The following RAD52 variants were observed in gnomAD, a reference collection of about 807,000 sequenced individuals.
RAD52 encodes DNA repair protein RAD52 homolog.
A neutral mutation model predicts 55.5 loss-of-function variants in RAD52; 47 were observed. That is an observed-to-expected ratio of 0.85 (90% CI 0.67 to 1.08). The LOEUF is 1.08. RAD52 is among the 50% of genes least tolerant of loss of function. The pLI is 0.00. For synonymous variants in RAD52, 184 were observed against 198.9 expected (o/e 0.92, Z 0.63); for missense variants, 468 against 522.8 (o/e 0.90, Z 1.02).
At chr12:965,994 T>A (rs1958761589) in intron 1 of RAD52, among the ~76,000 whole-genome samples, 1 of 151,944 alleles carries the variant, frequency 6.6e-6, no homozygotes, top group African/African-American at 2.4e-5. Flanking sequence ...GTTTGTTTTT[T>A]GAGTCAGGAT....
chr12:928,263 G>A (rs1271482134), intron 5 of RAD52, among the ~76,000 whole-genome samples: 1 of 152,208 alleles, frequency 6.6e-6, no homozygotes, highest in South Asian at 2.1e-4. Flanking sequence ...TGTAATCCCA[G>A]CACTTTTGGA....
chr12:933,503 T>A (rs576978026), intron 1 of RAD52, among the ~76,000 whole-genome samples: 44 of 151,792 alleles, frequency 2.9e-4, no homozygotes, highest in African/African-American at 1.1e-3. Context: ...CTAAGAGTTA[T>A]TTATAAGCTT....
In RAD52 at chr12:914,051, C is replaced by G. The variant is rs374156479; in HGVS notation, c.1038G>C (p.Ser346=). The G allele has an allele frequency of 1.2e-6, 2 of 1,614,022 alleles. No individual in the cohort carries two copies. Among genetic ancestry groups the G allele is most frequent in the African/African-American group, 2.7e-5 (2 of 74,902 alleles). ...AGGTCTGGGCTGGGTCTGCTCTAGA[C>G]GAGGGCTTGACCACACCATCCCCTG... ...PDAGDGVVKP[S]SRADPAQTSD... The change falls in exon 11 of 12, where the codon TCG becomes TCC. Residue 346 remains serine (S), a synonymous_variant. Coordinates refer to ENST00000358495, the MANE Select transcript of RAD52 (RefSeq NM_134424.4).
intron 1 of RAD52, among the ~76,000 whole-genome samples, chr12:987,209 T>G (rs1959097545): frequency 6.6e-6 from 1 of 152,002 alleles, no homozygotes; most frequent in Admixed American, 6.6e-5. Flanking sequence ...GACATCGTGA[T>G]CCACCCGCCT....
In RAD52 at chr12:970,719, C is replaced by T. The variant is rs540102520; in HGVS notation, c.-19+19090G>A. Reference sequence around the variant, plus strand: ...GGTTACAAATGGTTGTTCAGAATGGCATTTGGGAGTAAGTAGGCGGTCCAT... The same window carrying T: ...GGTTACAAATGGTTGTTCAGAATGGTATTTGGGAGTAAGTAGGCGGTCCAT... On this transcript the variant is annotated intron_variant, in intron 1 of 11. Coordinates refer to the RAD52 transcript ENST00000430095. Among the ~76,000 whole-genome samples, 122 of 152,192 alleles carry T rather than the reference C, an allele frequency of 8.0e-4. 1 individual carries two copies. The South Asian group carries it at 0.013, about 16-fold the overall frequency.
In RAD52 at chr12:929,888, TA is replaced by T; in HGVS notation, c.281-3del. ...TGCCATTGTTGAGGTCAACAAAATC[TA>T]GGAGTGGGAAAGAGAGCAAGTTGAA... On this transcript the variant is annotated splice_polypyrimidine_tract_variant and splice_region_variant and intron_variant, in intron 4 of 11. Transcript: ENST00000358495. The T allele has an allele frequency of 6.2e-7, 1 of 1,613,176 alleles. No homozygotes were observed. Among genetic ancestry groups the T allele is most frequent in the African/African-American group, 1.3e-5 (1 of 74,986 alleles).
At chr12:963,514 ATTT>A (rs1958715585) in intron 1 of RAD52, among the ~76,000 whole-genome samples, 1 of 152,166 alleles carries the variant, frequency 6.6e-6, no homozygotes, top group Non-Finnish European at 1.5e-5. Context: ...CAAATTAATG[ATTT>A]TTAATTATCC....
At chr12:965,376 G>A (rs1958746723) in intron 1 of RAD52, among the ~76,000 whole-genome samples, 1 of 152,018 alleles carries the variant, frequency 6.6e-6, no homozygotes, top group Non-Finnish European at 1.5e-5. Flanking sequence ...GCTTTGTATT[G>A]TTATGTATTA....
At chr12:963,471 G>T (rs1958715061) in intron 1 of RAD52, among the ~76,000 whole-genome samples, 1 of 152,132 alleles carries the variant, frequency 6.6e-6, no homozygotes, top group South Asian at 2.1e-4. Flanking sequence ...GTGGCTGGTA[G>T]AAGTAAATGC....
chr12:914,537 G>A lies in RAD52; in HGVS notation c.866-5C>T, dbSNP rs372126792. 1.2e-5 allele frequency: 19 copies of A among 1,612,866 alleles called. No individual in the cohort carries two copies. Among genetic ancestry groups the A allele is most frequent in the Middle Eastern group, 1.8e-4 (1 of 5,470 alleles). The stretch of plus-strand genomic sequence containing the variant: ...CAGGAGGGGCCGGAGGCGCTGCTAC[G>A]GTTCACAGAGGAGAGAAAGGACAAG... On this transcript the variant is annotated splice_polypyrimidine_tract_variant and splice_region_variant and intron_variant, in intron 9 of 11. Coordinates refer to ENST00000358495, the MANE Select transcript of RAD52 (RefSeq NM_134424.4).
chr12:923,175 A>G (rs1956829857), intron 7 of RAD52, among the ~76,000 whole-genome samples: 2 of 151,810 alleles, frequency 1.3e-5, no homozygotes, highest in East Asian at 1.9e-4. Context: ...TTAAAAAAGA[A>G]AAAAAGATCA....
At chr12:973,517 G>A (rs1958896369) in intron 1 of RAD52, among the ~76,000 whole-genome samples, 1 of 151,590 alleles carries the variant, frequency 6.6e-6, no homozygotes, top group Non-Finnish European at 1.5e-5. Context: ...TGGCTCTGTT[G>A]CGCAGGCTGG....
At chr12:957,387 C>T (rs1020291795) in intron 1 of RAD52, among the ~76,000 whole-genome samples, 6 of 137,092 alleles carry the variant, frequency 4.4e-5, no homozygotes, top group Admixed American at 8.3e-5. Flanking sequence ...CGCTTAAGCC[C>T]GGGAGGCGGA....
At chr12:924,111 C>A (rs1044052525) in intron 7 of RAD52, among the ~76,000 whole-genome samples, 8 of 142,096 alleles carry the variant, frequency 5.6e-5, no homozygotes, top group Non-Finnish European at 9.2e-5. Flanking sequence ...AACATAGATG[C>A]AAAAATGCCT....
intron 2 of RAD52, 141 bp downstream of exon 2, chr12:932,832 ACG>A (rs1957403754): frequency 1.7e-5 from 11 of 647,026 alleles, no homozygotes; most frequent in Admixed American, 1.2e-4. Context: ...TACTAGGTAA[ACG>A]TACTAGGTAC....
chr12:970,210 G>C (rs1405542941), intron 1 of RAD52, among the ~76,000 whole-genome samples: 1 of 151,440 alleles, frequency 6.6e-6, no homozygotes, highest in Non-Finnish European at 1.5e-5. Flanking sequence ...GGGTGGGGCA[G>C]GGGGGTGCTG....
At chr12:953,485 C>T (rs534692804), upstream of RAD52, among the ~76,000 whole-genome samples, 1 of 152,168 alleles carries the variant, frequency 6.6e-6, no homozygotes, top group South Asian at 2.1e-4. Flanking sequence ...ATTACTTAGT[C>T]AAATAAAGTG....
At chr12:976,707 T>C (rs1958939103) in intron 1 of RAD52, 1 of 152,168 alleles carries the variant, frequency 6.6e-6, no homozygotes, top group Non-Finnish European at 1.5e-5. Context: ...TGAGACAGGC[T>C]CTAATTCCCA....
chr12:914,358 G>A, intron 10 of RAD52, 73 bp downstream of exon 10: 2 of 1,577,020 alleles, frequency 1.3e-6, no homozygotes, highest in South Asian at 2.3e-5. Context: ...GGATTTTTAT[G>A]TCGCCTAAAA....
Sources: allele counts gnomAD v4.1 joint callset (sites outside exome capture counted in the v4.1 genomes callset), GRCh38; gene constraint gnomAD v4.1.1; transcripts MANE v1.5; gene names NCBI Gene and HGNC (gene_info 2026-07-23, HGNC 2026-07-21).